The following BIRC2 variants were observed in gnomAD, a reference collection of about 807,000 sequenced individuals.
The protein encoded by BIRC2 is baculoviral IAP repeat-containing protein 2.
A neutral mutation model predicts 60.9 loss-of-function variants in BIRC2; 18 were observed. That is an observed-to-expected ratio of 0.30 (90% CI 0.20 to 0.44). The LOEUF is 0.44. BIRC2 is among the 20% of genes least tolerant of loss of function. BIRC2 has a pLI of 1.00. For synonymous variants in BIRC2, 282 were observed against 247.7 expected (o/e 1.14, Z -1.30); for missense variants, 701 against 728.5 (o/e 0.96, Z 0.43).
At chr11:102,373,183 G>A (rs1220002473) in intron 6 of BIRC2, among the ~76,000 whole-genome samples, 1 of 151,822 alleles carries the variant, frequency 6.6e-6, no homozygotes, top group Non-Finnish European at 1.5e-5. Flanking sequence ...AGTTAATATT[G>A]TCATGTGTGA....
intron 5 of BIRC2, among the ~76,000 whole-genome samples, chr11:102,364,186 C>G (rs371451682): frequency 0.072 from 7,167 of 99,794 alleles, 372 homozygotes; most frequent in African/African-American, 0.11. Flanking sequence ...CACACACACA[C>G]AGAGAGAGAG....
intron 3 of BIRC2, among the ~76,000 whole-genome samples, chr11:102,353,675 C>G (rs1951387636): frequency 8.1e-6 from 1 of 123,492 alleles, no homozygotes; most frequent in African/African-American, 3.2e-5. Context: ...TATGTAGTAA[C>G]TTTCTTTTTT....
chr11:102,351,537 C>T (rs1951359306), intron 3 of BIRC2, among the ~76,000 whole-genome samples: 1 of 143,814 alleles, frequency 7.0e-6, no homozygotes. Flanking sequence ...ATCGCTTGAG[C>T]TCAGGAGGCG....
intron 3 of BIRC2, among the ~76,000 whole-genome samples, chr11:102,357,827 T>A (rs1951440867): frequency 6.6e-6 from 1 of 152,176 alleles, no homozygotes; most frequent in Non-Finnish European, 1.5e-5. Context: ...CCTTTAGATG[T>A]AAAATTACGG....
intron 3 of BIRC2, among the ~76,000 whole-genome samples, chr11:102,351,800 A>C (rs1951365781): frequency 6.6e-6 from 1 of 152,072 alleles, no homozygotes; most frequent in Non-Finnish European, 1.5e-5. Context: ...TAGTAGAAAT[A>C]GAATTAAATT....
At chr11:102,366,908 C>CT (rs1231274043) in intron 5 of BIRC2, among the ~76,000 whole-genome samples, 12 of 152,250 alleles carry the variant, frequency 7.9e-5, no homozygotes, top group South Asian at 2.1e-4. Context: ...CATTGTCCTC[C>CT]TTTTTTTACC....
Position 102,378,249 on chromosome 11 carries a change from C to A in BIRC2, c.*66C>A. 1 of 1,237,068 alleles carries A rather than the reference C, an allele frequency of 8.1e-7. No homozygotes were observed. The highest frequency in any genetic ancestry group is 1.9e-5 in the South Asian group (1 of 51,574). 76.6% of individuals were successfully genotyped at this position (1,237,068 alleles called of 1,614,324 possible). A position where few individuals can be genotyped will look rare whatever the true frequency, so the allele number is the denominator to read the frequency against. ...TAAAATATTGTTGAACACTTGAAGC[C>A]ATCTAAAGTAAAAAGGGAATTATGA... On this transcript the variant is annotated 3_prime_UTR_variant, in exon 9 of 9. Coordinates refer to ENST00000227758, the MANE Select transcript of BIRC2 (RefSeq NM_001166.5).
At chr11:102,356,009 G>T (rs1264890760) in intron 3 of BIRC2, among the ~76,000 whole-genome samples, 1 of 151,996 alleles carries the variant, frequency 6.6e-6, no homozygotes, top group Admixed American at 6.6e-5. Context: ...CATCTTTAGG[G>T]TTTTCTATAT....
chr11:102,368,459 C>G lies in BIRC2; in HGVS notation c.1277C>G (p.Thr426Arg). 6.2e-7 allele frequency: 1 copy of G among 1,613,836 alleles called. No homozygotes were observed. The highest frequency in any genetic ancestry group is 8.5e-7 in the Non-Finnish European group (1 of 1,179,942). ...CTGACAACTGGAGAGAACTATAAAA[C>G]AGTTAATGATATTGTGTCAGCACTT... is the stretch of plus-strand genomic sequence containing the variant. ...KILTTGENYK[T>R]VNDIVSALLN... Residue 426 changes from threonine (T) to arginine (R), a missense_variant, in exon 6 of 9, where the codon ACA (threonine) becomes AGA (arginine). By Grantham distance (71) the Thr-to-Arg change is moderately conservative (BLOSUM62 -1). Transcript: ENST00000227758.
At chr11:102,375,779 CAA>C (rs1278393063) in intron 6 of BIRC2, among the ~76,000 whole-genome samples, 14 of 74,686 alleles carry the variant, frequency 1.9e-4, no homozygotes, top group Admixed American at 3.1e-4. Context: ...GACTCCATCT[CAA>C]AAAAAAAAAA....
intron 6 of BIRC2, among the ~76,000 whole-genome samples, chr11:102,373,467 C>A (rs1951660198): frequency 6.6e-6 from 1 of 151,520 alleles, no homozygotes; most frequent in African/African-American, 2.4e-5. Context: ...GTTGAAAATT[C>A]TTTTCTTTAA....
chr11:102,366,544 T>G (rs1951555025), intron 5 of BIRC2, among the ~76,000 whole-genome samples: 1 of 151,226 alleles, frequency 6.6e-6, no homozygotes, highest in African/African-American at 2.4e-5. Context: ...TTTTTTGTAT[T>G]TTTTTTTAGT....
chr11:102,361,681 C>T (rs891622338), intron 3 of BIRC2, among the ~76,000 whole-genome samples: 1 of 152,100 alleles, frequency 6.6e-6, no homozygotes, highest in Non-Finnish European at 1.5e-5. Context: ...TCTCCAGGGA[C>T]CTGCTCTGGG....
At position 102,378,252 on chromosome 11, in the gene BIRC2, C is replaced by T. The variant is rs1437160206; in HGVS notation, c.*69C>T. ...AATATTGTTGAACACTTGAAGCCAT[C>T]TAAAGTAAAAAGGGAATTATGAGTT... is the stretch of plus-strand genomic sequence containing the variant. On this transcript the variant is annotated 3_prime_UTR_variant, in exon 9 of 9. Coordinates refer to ENST00000227758, the MANE Select transcript of BIRC2 (RefSeq NM_001166.5). The T allele has an allele frequency of 3.3e-5, 40 of 1,222,864 alleles. No homozygotes were observed. The highest frequency in any genetic ancestry group is 4.4e-5 in the Non-Finnish European group (40 of 916,068). 75.8% of individuals were successfully genotyped at this position (1,222,864 alleles called of 1,614,324 possible).
At chr11:102,364,174 T>TATATATATATATATATATATACAC (rs1389968594) in intron 5 of BIRC2, among the ~76,000 whole-genome samples, 4 of 78,110 alleles carry the variant, frequency 5.1e-5, no homozygotes, top group African/African-American at 1.3e-4. Flanking sequence ...TATATATATA[T>TATATATATATATATATATATACAC]ACACACACAC....
At chr11:102,368,643 T>A in intron 6 of BIRC2, 95 bp downstream of exon 6, 1 of 1,487,956 alleles carries the variant, frequency 6.7e-7, no homozygotes, top group East Asian at 2.3e-5. Flanking sequence ...TCACATCCAC[T>A]AACTGCTGGT....
intron 6 of BIRC2, 78 bp downstream of exon 6, chr11:102,368,626 G>C (rs879836852): frequency 5.5e-5 from 84 of 1,531,814 alleles, no homozygotes; most frequent in Non-Finnish European, 6.8e-5. Context: ...AGGACACCAT[G>C]CTTGTTTCAC....
chr11:102,350,118 G>A lies in BIRC2; in HGVS notation c.264G>A (p.Leu88=). Residue 88 remains leucine (L), a synonymous_variant, in exon 2 of 9, where the codon CTG becomes CTA. Transcript: ENST00000227758. ...AGGTCAAATGCTTCTGTTGTGGCCT[G>A]ATGCTGGATAACTGGAAACTAGGAG... ...NDKVKCFCCG[L]MLDNWKLGDS... is the part of the protein sequence containing the mutation. 53 of 1,614,182 alleles carry A rather than the reference G, an allele frequency of 3.3e-5. No homozygotes were observed. Among genetic ancestry groups the A allele is most frequent in the Non-Finnish European group, 4.3e-5 (51 of 1,180,038 alleles).
chr11:102,355,071 G>C (rs1951406334), intron 3 of BIRC2, among the ~76,000 whole-genome samples: 1 of 139,812 alleles, frequency 7.2e-6, no homozygotes, highest in South Asian at 2.3e-4. Context: ...TTTTTATTTT[G>C]TCGATTGTTT....
Sources: allele counts gnomAD v4.1 joint callset (sites outside exome capture counted in the v4.1 genomes callset), GRCh38; gene constraint gnomAD v4.1.1; transcripts MANE v1.5; gene names NCBI Gene and HGNC (gene_info 2026-07-23, HGNC 2026-07-21).